CDC42SE2: variants seen among roughly 807,000 people sequenced by gnomAD.
The protein encoded by CDC42SE2 is CDC42 small effector protein 2.
A neutral mutation model predicts 11.5 loss-of-function variants in CDC42SE2; 3 were observed. The ratio of observed to expected loss-of-function variants is 0.26; its 90% CI spans 0.12 to 0.67. The LOEUF (loss-of-function observed/expected upper bound fraction) is 0.67, where lower values mean the gene tolerates loss of function less well. CDC42SE2 is among the 30% of genes least tolerant of loss of function. The probability of loss-of-function intolerance (pLI) is 0.80; values close to 1 mark genes in which losing one functional copy is unlikely to be tolerated. For missense variants in CDC42SE2, 82 were observed against 106.8 expected, an observed-to-expected ratio of 0.77 and a Z score of 1.02; for synonymous variants, 33 against 34.8, an observed-to-expected ratio of 0.95 and a Z score of 0.18.
intron 2 of CDC42SE2, among the ~76,000 whole-genome samples, chr5:131,355,662 G>A (rs1282281887): frequency 2.0e-5 from 3 of 151,908 alleles, no homozygotes; most frequent in Non-Finnish European, 4.4e-5. Flanking sequence ...CACAAACTGA[G>A]CGTACTTAAT....
At position 131,391,993 on chromosome 5, in the gene CDC42SE2, T is replaced by TGTCA. The variant is rs1307266515; in HGVS notation, c.*904_*907dup. The TGTCA allele has an allele frequency of 4.6e-5, 7 of 152,386 alleles. No individual in the cohort carries two copies. Among genetic ancestry groups the TGTCA allele is most frequent in the Admixed American group, 1.3e-4 (2 of 15,286 alleles). The allele number at this position is 152,386 out of a possible 1,614,324, so 9.4% of individuals were successfully genotyped here. A position where few individuals can be genotyped will look rare whatever the true frequency, so the allele number is the denominator to read the frequency against. ...TACTGTTCTGCTCTGAAGAAGATAC[T>TGTCA]GTCAGACGAATCCTGCATTTCCTTC... is the stretch of plus-strand genomic sequence containing the variant. On this transcript the variant is annotated 3_prime_UTR_variant, in exon 5 of 5. Transcript: ENST00000505065.
chr5:131,389,009 T>C (rs1303928263), intron 4 of CDC42SE2, among the ~76,000 whole-genome samples: 2 of 151,842 alleles, frequency 1.3e-5, no homozygotes, highest in East Asian at 3.9e-4. Context: ...AGTTTTTGTA[T>C]TTTTTTTGTA....
At position 131,391,734 on chromosome 5, in the gene CDC42SE2, TTTATAAACTTTTCAAA is replaced by T. The variant is rs1333848250; in HGVS notation, c.*647_*662del. ...TAATTTTACAGTTAAGACTTCATTG[TTTATAAACTTTTCAAA>T]TTAATTAAAAAGACTACTTTGAAAA... On this transcript the variant is annotated 3_prime_UTR_variant, in exon 5 of 5. Transcript: ENST00000505065. 6.6e-6 allele frequency: 1 copy of T among 152,232 alleles called. No homozygotes were observed. The highest frequency in any genetic ancestry group is 1.5e-5 in the Non-Finnish European group (1 of 68,046). The allele number at this position is 152,232 out of a possible 1,614,324, so 9.4% of individuals were successfully genotyped here.
At chr5:131,317,827 A>G (rs1758072079) in intron 2 of CDC42SE2, among the ~76,000 whole-genome samples, 3 of 151,560 alleles carry the variant, frequency 2.0e-5, no homozygotes, top group Admixed American at 1.3e-4. Context: ...TATATTTTGA[A>G]TCCTTCAAAA....
At chr5:131,231,512 G>A in the CDC42SE2 span, among the ~76,000 whole-genome samples, 3 of 152,090 alleles carry the variant, frequency 2.0e-5, no homozygotes, top group African/African-American at 7.2e-5. Flanking sequence ...TTCGGTCTGG[G>A]CCAGTTTGGT....
At chr5:131,222,699 A>G in the CDC42SE2 span, among the ~76,000 whole-genome samples, 24 of 152,272 alleles carry the variant, frequency 1.6e-4, no homozygotes, top group African/African-American at 5.8e-4. Flanking sequence ...TCTGCTCCTT[A>G]TGCAGTTGTT....
the CDC42SE2 span, among the ~76,000 whole-genome samples, chr5:131,231,035 G>C: frequency 1.3e-5 from 2 of 151,920 alleles, no homozygotes; most frequent in Non-Finnish European, 2.9e-5. Context: ...TTTTGTTTAG[G>C]GATTTTACGT....
chr5:131,360,040 T>G (rs1749664138), intron 3 of CDC42SE2, among the ~76,000 whole-genome samples: 1 of 152,228 alleles, frequency 6.6e-6, no homozygotes. Flanking sequence ...TTGACTGACT[T>G]CTTGGTATAT....
At chr5:131,221,151 G>T in the CDC42SE2 span, among the ~76,000 whole-genome samples, 5 of 152,228 alleles carry the variant, frequency 3.3e-5, no homozygotes, top group Admixed American at 2.0e-4. Flanking sequence ...CTCCCAGAGT[G>T]CTAAGATTAC....
At chr5:131,232,845 G>T in the CDC42SE2 span, among the ~76,000 whole-genome samples, 1 of 148,286 alleles carries the variant, frequency 6.7e-6, no homozygotes, top group African/African-American at 2.5e-5. Flanking sequence ...TGCTTTTTCT[G>T]CCTAATTCCC....
At chr5:131,305,310 C>T (rs1757758622) in intron 1 of CDC42SE2, among the ~76,000 whole-genome samples, 1 of 152,104 alleles carries the variant, frequency 6.6e-6, no homozygotes, top group South Asian at 2.1e-4. Context: ...GTAAATGTGG[C>T]AGAATTTATT....
chr5:131,303,300 T>C (rs781559411), intron 1 of CDC42SE2, among the ~76,000 whole-genome samples: 5 of 152,186 alleles, frequency 3.3e-5, no homozygotes, highest in Non-Finnish European at 7.4e-5. Flanking sequence ...AAGAAAGGAA[T>C]TGGTATTTGA....
At chr5:131,345,188 G>A (rs1298616447) in intron 2 of CDC42SE2, among the ~76,000 whole-genome samples, 2 of 149,922 alleles carry the variant, frequency 1.3e-5, no homozygotes, top group African/African-American at 4.8e-5. Context: ...TCAGATGATC[G>A]GTAATAATAA....
intron 1 of CDC42SE2, among the ~76,000 whole-genome samples, chr5:131,301,319 A>G (rs541488959): frequency 3.8e-4 from 58 of 152,296 alleles, no homozygotes; most frequent in African/African-American, 1.4e-3. Context: ...CAAATAGCTA[A>G]AAGGAGAATT....
chr5:131,314,028 T>A (rs949289655), intron 1 of CDC42SE2, among the ~76,000 whole-genome samples: 2 of 152,090 alleles, frequency 1.3e-5, no homozygotes, highest in African/African-American at 4.8e-5. Flanking sequence ...TGCCAGTTTA[T>A]TCTACAAAAA....
intron 2 of CDC42SE2, among the ~76,000 whole-genome samples, chr5:131,325,239 T>G (rs953276378): frequency 2.6e-5 from 4 of 152,060 alleles, no homozygotes; most frequent in Non-Finnish European, 5.9e-5. Context: ...GTGAAAATTT[T>G]GAATACTTTC....
chr5:131,222,903 C>T, the CDC42SE2 span, among the ~76,000 whole-genome samples: 1 of 152,238 alleles, frequency 6.6e-6, no homozygotes, highest in Admixed American at 6.5e-5. Flanking sequence ...GACTCTGCTC[C>T]TGCTGCCAAG....
the CDC42SE2 span, among the ~76,000 whole-genome samples, chr5:131,232,134 A>C: frequency 6.6e-6 from 1 of 150,972 alleles, no homozygotes; most frequent in East Asian, 1.9e-4. Flanking sequence ...TTCTTTTGAG[A>C]CAGGGTCTTA....
At chr5:131,348,184 A>G (rs1236517330) in intron 2 of CDC42SE2, among the ~76,000 whole-genome samples, 1 of 152,216 alleles carries the variant, frequency 6.6e-6, no homozygotes. Context: ...GCATTCAATT[A>G]GGAAAAGAGG....
Sources: allele counts gnomAD v4.1 joint callset (sites outside exome capture counted in the v4.1 genomes callset), GRCh38; gene constraint gnomAD v4.1.1; transcripts MANE v1.5; gene names NCBI Gene and HGNC (gene_info 2026-07-23, HGNC 2026-07-21).